Variants in ADAMTS3 observed in about 807,000 individuals in gnomAD.
The protein encoded by ADAMTS3 is A disintegrin and metalloproteinase with thrombospondin motifs 3.
A neutral mutation model predicts 129.0 loss-of-function variants in ADAMTS3; 73 were observed. The observed-to-expected ratio is 0.57, with a 90% CI of 0.47 to 0.69. ADAMTS3 has a LOEUF of 0.69. ADAMTS3 is among the 30% of genes least tolerant of loss of function. ADAMTS3 has a pLI of 0.00. For missense variants in ADAMTS3, 1,457 were observed against 1,514.5 expected (o/e 0.96, Z 0.63); for synonymous variants, 477 against 510.8 (o/e 0.93, Z 0.89).
chr4:72,539,459 C>T (rs184035750), intron 3 of ADAMTS3, among the ~76,000 whole-genome samples: 1 of 146,964 alleles, frequency 6.8e-6, no homozygotes, highest in Non-Finnish European at 1.5e-5. Flanking sequence ...AAAACACCAC[C>T]CACCTCCCAA....
chr4:72,470,847 T>C (rs1302156929), intron 3 of ADAMTS3, among the ~76,000 whole-genome samples: 2 of 151,952 alleles, frequency 1.3e-5, no homozygotes, highest in Admixed American at 6.6e-5. Context: ...AAAAAAGTCC[T>C]GTTAAAGCGT....
intron 19 of ADAMTS3, 138 bp downstream of exon 19, chr4:72,295,516 T>C: frequency 4.8e-6 from 4 of 834,702 alleles, no homozygotes; most frequent in Non-Finnish European, 7.0e-6. Context: ...CTTTATATAA[T>C]TCCTGTGAAG....
chr4:72,391,003 A>T (rs1721579432), intron 4 of ADAMTS3, among the ~76,000 whole-genome samples: 1 of 152,064 alleles, frequency 6.6e-6, no homozygotes, highest in African/African-American at 2.4e-5. Flanking sequence ...AGATAATTGT[A>T]CTGATGGATT....
chr4:72,459,906 C>G (rs1578700458), intron 3 of ADAMTS3, among the ~76,000 whole-genome samples: 1 of 151,484 alleles, frequency 6.6e-6, no homozygotes, highest in East Asian at 1.9e-4. Flanking sequence ...TGAAAGTAAC[C>G]TTATACAATT....
In ADAMTS3 at chr4:72,450,574, T is replaced by G. The variant is rs564464914; in HGVS notation, c.505-35603A>C. 1.7e-4 allele frequency among the ~76,000 whole-genome samples: 26 copies of G among 151,876 alleles called. No homozygotes were observed. In the South Asian group the frequency reaches 5.0e-3, roughly 29 times the overall value. ...TTTTACTTTGTCTTACAGAATCTTT[T>G]CTGAGGCTTTCACTGATGCCAACAC... On this transcript the variant is annotated intron_variant, in intron 3 of 21. Transcript: ENST00000286657.
chr4:72,491,895 C>A (rs2110015701), intron 3 of ADAMTS3, among the ~76,000 whole-genome samples: 1 of 151,790 alleles, frequency 6.6e-6, no homozygotes. Flanking sequence ...AGGTTCTGAA[C>A]TTTTCATTGT....
intron 3 of ADAMTS3, among the ~76,000 whole-genome samples, chr4:72,417,556 T>A (rs1222745282): frequency 6.6e-6 from 1 of 152,136 alleles, no homozygotes; most frequent in Non-Finnish European, 1.5e-5. Context: ...TTGGATCAAG[T>A]GACATCCATT....
Position 72,315,896 on chromosome 4 carries a change from C to T in ADAMTS3, c.1561G>A (p.Gly521Arg). The T allele has an allele frequency of 6.2e-7, 1 of 1,612,764 alleles. No homozygotes were observed. The highest frequency in any genetic ancestry group is 8.5e-7 in the Non-Finnish European group (1 of 1,179,250). The change falls in exon 11 of 22, where the codon GGA becomes AGA. Residue 521 changes from glycine (G) to arginine (R), a missense_variant. Transcript: ENST00000286657. ...DNPYFCKTKK[G>R]PPLDGTECAA... is the part of the protein sequence containing the mutation. ...CATTCAGTCCCATCAAGTGGAGGTC[C>T]CTTTTTAGTCTTACAAAAGTAGGGA...
At chr4:72,347,497 T>A (rs906630692) in intron 4 of ADAMTS3, among the ~76,000 whole-genome samples, 1 of 151,998 alleles carries the variant, frequency 6.6e-6, no homozygotes, top group Non-Finnish European at 1.5e-5. Flanking sequence ...TATTTCCCAA[T>A]TTGTTTATTT....
intron 4 of ADAMTS3, among the ~76,000 whole-genome samples, chr4:72,373,957 G>A (rs1339719581): frequency 6.7e-6 from 1 of 149,610 alleles, no homozygotes; most frequent in African/African-American, 2.5e-5. Flanking sequence ...TAATAGGAAA[G>A]TATCTGAGGT....
chr4:72,527,239 C>T (rs962774870), intron 3 of ADAMTS3, among the ~76,000 whole-genome samples: 4 of 152,160 alleles, frequency 2.6e-5, no homozygotes, highest in African/African-American at 9.7e-5. Flanking sequence ...CCTCTTCATC[C>T]TTAAAAGCTC....
intron 4 of ADAMTS3, among the ~76,000 whole-genome samples, chr4:72,392,155 G>A (rs1422754140): frequency 6.6e-6 from 1 of 152,116 alleles, no homozygotes; most frequent in Non-Finnish European, 1.5e-5. Context: ...GGCAGAATGA[G>A]GACCAGAACT....
chr4:72,462,917 T>G (rs1022203717), intron 3 of ADAMTS3, among the ~76,000 whole-genome samples: 17 of 152,022 alleles, frequency 1.1e-4, no homozygotes, highest in African/African-American at 4.1e-4. Context: ...AGCCTAAGTG[T>G]ACGGTGTTTA....
chr4:72,284,269 C>A (rs892378823), intron 21 of ADAMTS3, among the ~76,000 whole-genome samples: 2 of 151,942 alleles, frequency 1.3e-5, no homozygotes, highest in African/African-American at 4.8e-5. Context: ...CAGTGAAAAG[C>A]CGTCTCTACT....
rs193020338 is a variant in ADAMTS3 at position 72,315,801 on chromosome 4, A to G, written c.1599+57T>C. 3.2e-5 allele frequency: 38 copies of G among 1,188,326 alleles called. No individual in the cohort carries two copies. In the East Asian group the frequency reaches 8.6e-4, roughly 27 times the overall value. 73.6% of individuals were successfully genotyped at this position (1,188,326 alleles called of 1,614,324 possible). A position where few individuals can be genotyped will look rare whatever the true frequency, so the allele number is the denominator to read the frequency against. On this transcript the variant is annotated intron_variant, in intron 11 of 21. Coordinates refer to ENST00000286657, the MANE Select transcript of ADAMTS3 (RefSeq NM_014243.3). The stretch of plus-strand genomic sequence containing the variant: ...GTGTTTACCATTTTCCAGACCTTTA[A>G]AGATGATAATTATGCAACATATCTT...
intron 4 of ADAMTS3, among the ~76,000 whole-genome samples, chr4:72,350,118 C>T (rs2109843331): frequency 6.6e-6 from 1 of 152,024 alleles, no homozygotes; most frequent in East Asian, 1.9e-4. Context: ...TGCATTCAAA[C>T]AAAATTGTTG....
chr4:72,392,890 T>TA (rs1388411631), intron 4 of ADAMTS3, among the ~76,000 whole-genome samples: 4 of 150,870 alleles, frequency 2.7e-5, no homozygotes, highest in African/African-American at 4.9e-5. Flanking sequence ...AGAGTATGAG[T>TA]AAAAAAAATT....
chr4:72,424,985 T>C (rs1187541507), intron 3 of ADAMTS3, among the ~76,000 whole-genome samples: 1 of 152,144 alleles, frequency 6.6e-6, no homozygotes, highest in Non-Finnish European at 1.5e-5. Context: ...CTTTGTCATA[T>C]TGAAGAGGGT....
intron 4 of ADAMTS3, 50 bp from the exon 5 acceptor site, chr4:72,339,743 T>C (rs753634122): frequency 7.6e-6 from 11 of 1,439,174 alleles, no homozygotes; most frequent in Non-Finnish European, 9.7e-6. Flanking sequence ...TAACAGGCCT[T>C]CCAATCACTT....
Sources: gnomAD v4.1 joint callset for allele counts (sites outside exome capture counted in the v4.1 genomes callset) on GRCh38, gnomAD v4.1.1 for gene constraint, MANE v1.5 for transcripts, NCBI Gene and HGNC (gene_info 2026-07-23, HGNC 2026-07-21) for gene names.